CYP4Z1: variants seen among roughly 807,000 people sequenced by gnomAD.
CYP4Z1 encodes cytochrome P450 4Z1.
CYP4Z1 carries 41 observed loss-of-function variants against 54.2 expected under a neutral mutation model. The ratio of observed to expected loss-of-function variants is 0.76; its 90% CI spans 0.59 to 0.98. The LOEUF (loss-of-function observed/expected upper bound fraction) is 0.98. Among genes scored for constraint, CYP4Z1 ranks in the 50% least tolerant of loss-of-function variants. The pLI, the probability that CYP4Z1 is intolerant of heterozygous loss-of-function variation, is 0.00. For synonymous variants in CYP4Z1, 163 were observed against 206.2 expected, an observed-to-expected ratio of 0.79 and a Z score of 1.79; for missense variants, 513 against 599.0, an observed-to-expected ratio of 0.86 and a Z score of 1.50.
the CYP4Z1 span, among the ~76,000 whole-genome samples, chr1:47,057,261 G>C: frequency 1.5e-3 from 209 of 144,126 alleles, no homozygotes; most frequent in African/African-American, 5.0e-3. Context: ...ACTCTCTTCT[G>C]GCTTGTAGAG....
At chr1:47,104,083 C>T (rs1263611969) in intron 8 of CYP4Z1, among the ~76,000 whole-genome samples, 1 of 152,054 alleles carries the variant, frequency 6.6e-6, no homozygotes, top group East Asian at 1.9e-4. Flanking sequence ...GTTGCTTTTT[C>T]CAATTTTTTG....
At chr1:47,063,027 T>C (rs948325088), upstream of CYP4Z1, among the ~76,000 whole-genome samples, 1 of 152,276 alleles carries the variant, frequency 6.6e-6, no homozygotes, top group Admixed American at 6.5e-5. Context: ...CTGGTATCCA[T>C]GGCTAAGAGA....
chr1:47,098,301 T>C (rs1644695267), intron 7 of CYP4Z1, among the ~76,000 whole-genome samples: 1 of 152,194 alleles, frequency 6.6e-6, no homozygotes, highest in African/African-American at 2.4e-5. Context: ...CTCTGAGCAG[T>C]GGTTTGTAGT....
intron 2 of CYP4Z1, among the ~76,000 whole-genome samples, chr1:47,078,732 G>A (rs1206544937): frequency 1.6e-5 from 2 of 126,634 alleles, no homozygotes; most frequent in Non-Finnish European, 3.3e-5. Context: ...TTCTGGGTTG[G>A]GGCACACCTC....
chr1:47,069,395 A>G (rs562937949), intron 2 of CYP4Z1, among the ~76,000 whole-genome samples: 1 of 152,320 alleles, frequency 6.6e-6, no homozygotes, highest in East Asian at 1.9e-4. Flanking sequence ...ATTCAGTTAT[A>G]AAATGCCTCC....
intron 8 of CYP4Z1, among the ~76,000 whole-genome samples, chr1:47,099,593 C>A (rs1156763292): frequency 6.6e-6 from 1 of 152,088 alleles, no homozygotes; most frequent in Non-Finnish European, 1.5e-5. Context: ...TATAACAAAC[C>A]CCTCTTTCTC....
chr1:47,059,739 T>C, the CYP4Z1 span, among the ~76,000 whole-genome samples: 2 of 152,148 alleles, frequency 1.3e-5, no homozygotes, highest in African/African-American at 4.8e-5. Context: ...TTCCCTAATT[T>C]AGGTAGCAAA....
At position 47,067,484 on chromosome 1, in the gene CYP4Z1, G is replaced by A; in HGVS notation, c.-7G>A. ...AGGCTCTCCAGAGCTCAGGACCTCT[G>A]AGAAGAATGGAGCCCTCCTGGCTTC... On this transcript the variant is annotated 5_prime_UTR_variant, in exon 1 of 12. An upstream open reading frame in the 5' UTR loses its in-frame stop. Transcript: ENST00000334194. The A allele has an allele frequency of 3.1e-6, 5 of 1,599,752 alleles. No homozygotes were observed. Among genetic ancestry groups the A allele is most frequent in the Non-Finnish European group, 4.3e-6 (5 of 1,171,838 alleles).
At chr1:47,102,871 T>C (rs575442380) in intron 8 of CYP4Z1, among the ~76,000 whole-genome samples, 1 of 152,294 alleles carries the variant, frequency 6.6e-6, no homozygotes, top group Non-Finnish European at 1.5e-5. Context: ...GTAAATCTCT[T>C]ATTAGACTTA....
chr1:47,117,521 T>A (rs933595587), intron 11 of CYP4Z1, among the ~76,000 whole-genome samples: 1 of 152,016 alleles, frequency 6.6e-6, no homozygotes, highest in Non-Finnish European at 1.5e-5. Flanking sequence ...GAGGCCAAGG[T>A]AGGCGGATTA....
At chr1:47,063,330 GT>G (rs928222771), upstream of CYP4Z1, among the ~76,000 whole-genome samples, 1 of 151,854 alleles carries the variant, frequency 6.6e-6, no homozygotes, top group African/African-American at 2.4e-5. Flanking sequence ...ACAAAACAAG[GT>G]TTTTTCACAC....
intron 6 of CYP4Z1, among the ~76,000 whole-genome samples, chr1:47,086,905 T>C (rs1388626325): frequency 6.6e-6 from 1 of 152,258 alleles, no homozygotes; most frequent in African/African-American, 2.4e-5. Context: ...TTCAGCTTTC[T>C]ACATATGGCT....
upstream of CYP4Z1, among the ~76,000 whole-genome samples, chr1:47,062,744 T>G (rs1026489818): frequency 2.0e-5 from 3 of 151,898 alleles, no homozygotes; most frequent in African/African-American, 4.8e-5. Context: ...CACCTTGTGG[T>G]CTTTCTCTAC....
chr1:47,082,476 G>C lies in CYP4Z1; in HGVS notation c.492+15G>C, dbSNP rs374204130. The stretch of plus-strand genomic sequence containing the variant: ...GGATGATGCTGGTAAGAGGAGAAGA[G>C]AGCATTCGTACCTGGCCTCTGAAGT... On this transcript the variant is annotated intron_variant, in intron 4 of 11. Coordinates refer to ENST00000334194, the MANE Select transcript of CYP4Z1 (RefSeq NM_178134.3). 3.1e-6 allele frequency: 5 copies of C among 1,602,120 alleles called. No homozygotes were observed. Among genetic ancestry groups the C allele is most frequent in the South Asian group, 1.1e-5 (1 of 88,376 alleles).
At chr1:47,104,451 G>A (rs2148538970) in intron 8 of CYP4Z1, among the ~76,000 whole-genome samples, 1 of 152,312 alleles carries the variant, frequency 6.6e-6, no homozygotes, top group South Asian at 2.1e-4. Flanking sequence ...CTGGGTTCTG[G>A]AAATGGCAGT....
intron 9 of CYP4Z1, among the ~76,000 whole-genome samples, chr1:47,113,077 C>A (rs1644804723): frequency 6.6e-6 from 1 of 152,032 alleles, no homozygotes; most frequent in Non-Finnish European, 1.5e-5. Context: ...AACCTAAAAT[C>A]CTTAGCATGA....
At position 47,099,081 on chromosome 1, in the gene CYP4Z1, CTG is replaced by C; in HGVS notation, c.877-11_877-10del. On this transcript the variant is annotated splice_polypyrimidine_tract_variant and intron_variant, in intron 7 of 11. Transcript: ENST00000334194. ...AGCCAGCTTTGGATAAAGATCATCA[CTG>C]TATTTTTTAGAGCGAAAACACCAAA... 1 of 1,613,968 alleles carries C rather than the reference CTG, an allele frequency of 6.2e-7. No individual in the cohort carries two copies. Among genetic ancestry groups the C allele is most frequent in the Non-Finnish European group, 8.5e-7 (1 of 1,179,892 alleles).
At chr1:47,076,278 A>G (rs1310070592) in intron 2 of CYP4Z1, among the ~76,000 whole-genome samples, 2 of 151,274 alleles carry the variant, frequency 1.3e-5, no homozygotes, top group African/African-American at 4.9e-5. Context: ...TCCTGCTTTT[A>G]TTTTATTTAC....
chr1:47,102,575 G>A (rs1644729051), intron 8 of CYP4Z1, among the ~76,000 whole-genome samples: 1 of 152,150 alleles, frequency 6.6e-6, no homozygotes, highest in Non-Finnish European at 1.5e-5. Flanking sequence ...ATTTATGAAA[G>A]ATAACTTTGC....
Sources: allele counts gnomAD v4.1 joint callset (sites outside exome capture counted in the v4.1 genomes callset), GRCh38; gene constraint gnomAD v4.1.1; transcripts MANE v1.5; gene names NCBI Gene and HGNC (gene_info 2026-07-23, HGNC 2026-07-21).